PTPRE: variants seen among roughly 807,000 people sequenced by gnomAD.
PTPRE encodes protein tyrosine phosphatase receptor type E, also known as receptor-type tyrosine-protein phosphatase epsilon.
PTPRE carries 51 observed loss-of-function variants against 102.0 expected under a neutral mutation model. That is an observed-to-expected ratio of 0.50 (90% CI 0.40 to 0.63). The LOEUF (loss-of-function observed/expected upper bound fraction) is 0.63, where lower values mean the gene tolerates loss of function less well. Ranked by LOEUF, PTPRE falls within the 30% of genes least tolerant of loss-of-function variation. The probability of loss-of-function intolerance (pLI) is 0.00; values close to 1 mark genes in which losing one functional copy is unlikely to be tolerated. For synonymous variants in PTPRE, 345 were observed against 348.2 expected (o/e 0.99, Z 0.10); for missense variants, 752 against 915.1 (o/e 0.82, Z 2.30).
chr10:127,987,462 A>G, intron 2 of PTPRE: 1 of 737,690 alleles, frequency 1.4e-6, no homozygotes, highest in South Asian at 1.8e-5. Context: ...TTCTAATATA[A>G]TTTCTAAAGT....
intron 1 of PTPRE, among the ~76,000 whole-genome samples, chr10:127,949,027 G>A (rs1271525145): frequency 6.6e-6 from 1 of 152,220 alleles, no homozygotes; most frequent in East Asian, 1.9e-4. Context: ...ACAATTCCAG[G>A]CTTGTCAGCC....
At chr10:128,009,741 G>A (rs1455386434) in intron 2 of PTPRE, among the ~76,000 whole-genome samples, 1 of 152,154 alleles carries the variant, frequency 6.6e-6, no homozygotes, top group African/African-American at 2.4e-5. Context: ...TTAAAACTTG[G>A]GCTTTCCCAG....
intron 2 of PTPRE, among the ~76,000 whole-genome samples, chr10:127,992,827 T>C (rs560018136): frequency 6.6e-6 from 1 of 152,340 alleles, no homozygotes; most frequent in African/African-American, 2.4e-5. Context: ...CTCAAATATG[T>C]GGTCAGAAAG....
chr10:128,001,374 G>A (rs1488136191), intron 2 of PTPRE, among the ~76,000 whole-genome samples: 5 of 152,232 alleles, frequency 3.3e-5, no homozygotes, highest in South Asian at 2.1e-4. Context: ...TAAGTAAAGT[G>A]TAGGCACGGC....
At chr10:128,060,104 T>G (rs1274512563) in intron 7 of PTPRE, among the ~76,000 whole-genome samples, 4 of 101,554 alleles carry the variant, frequency 3.9e-5, no homozygotes, top group Non-Finnish European at 8.0e-5. Flanking sequence ...ACACACACAC[T>G]ACACATACAC....
intron 1 of PTPRE, among the ~76,000 whole-genome samples, chr10:127,926,201 C>T (rs1044449413): frequency 3.9e-5 from 6 of 152,206 alleles, no homozygotes; most frequent in Non-Finnish European, 8.8e-5. Flanking sequence ...TAGAAAGCTG[C>T]TTGCAGCCTC....
At chr10:127,980,763 T>C (rs1851546852) in intron 1 of PTPRE, among the ~76,000 whole-genome samples, 1 of 152,190 alleles carries the variant, frequency 6.6e-6, no homozygotes, top group Non-Finnish European at 1.5e-5. Context: ...TTTTTAAAAA[T>C]ATAACAATTT....
At chr10:128,001,257 G>A (rs1853857905) in intron 2 of PTPRE, among the ~76,000 whole-genome samples, 1 of 152,106 alleles carries the variant, frequency 6.6e-6, no homozygotes, top group Non-Finnish European at 1.5e-5. Context: ...ATGGAAACCA[G>A]GGAAGGAATG....
chr10:127,997,243 C>T (rs1428116895), intron 2 of PTPRE, among the ~76,000 whole-genome samples: 1 of 152,190 alleles, frequency 6.6e-6, no homozygotes, highest in Non-Finnish European at 1.5e-5. Context: ...ATAATGAAAG[C>T]TAAAGACAGC....
intron 9 of PTPRE, among the ~76,000 whole-genome samples, chr10:128,062,673 G>A (rs888357577): frequency 3.9e-5 from 6 of 152,224 alleles, no homozygotes; most frequent in Admixed American, 6.5e-5. Context: ...AGCTCATATC[G>A]TATTGGACAG....
chr10:128,002,150 G>A (rs1023040882), intron 2 of PTPRE, among the ~76,000 whole-genome samples: 1 of 152,178 alleles, frequency 6.6e-6, no homozygotes, highest in South Asian at 2.1e-4. Flanking sequence ...CGTCGCCCCC[G>A]CTGACAGCCA....
intron 1 of PTPRE, among the ~76,000 whole-genome samples, chr10:127,933,001 G>A (rs1847560861): frequency 6.6e-6 from 1 of 152,172 alleles, no homozygotes; most frequent in Non-Finnish European, 1.5e-5. Context: ...CCCGCCATGT[G>A]CTCCCAGTCT....
chr10:127,999,902 G>A, intron 2 of PTPRE: 2 of 985,446 alleles, frequency 2.0e-6, no homozygotes, highest in Non-Finnish European at 2.4e-6. Context: ...AGACTCCAGT[G>A]CTGTGGACAT....
At chr10:127,971,180 A>G (rs1850699505) in intron 1 of PTPRE, among the ~76,000 whole-genome samples, 2 of 152,216 alleles carry the variant, frequency 1.3e-5, no homozygotes, top group Admixed American at 6.5e-5. Flanking sequence ...TCAAGTGTCC[A>G]TACGAGGCTA....
chr10:128,047,996 C>A (rs1372897226), intron 5 of PTPRE, among the ~76,000 whole-genome samples, 159 bp downstream of exon 5: 7 of 152,196 alleles, frequency 4.6e-5, no homozygotes, highest in Admixed American at 4.6e-4. Flanking sequence ...TTTAGAATTT[C>A]ACTATTTCAA....
chr10:128,074,177 A>C (rs1038404169), intron 17 of PTPRE, among the ~76,000 whole-genome samples: 1 of 152,228 alleles, frequency 6.6e-6, no homozygotes, highest in Non-Finnish European at 1.5e-5. Context: ...GGAATCATAC[A>C]GTATGTGGTC....
intron 1 of PTPRE, among the ~76,000 whole-genome samples, chr10:127,979,742 C>T (rs930422943): frequency 6.6e-6 from 1 of 152,222 alleles, no homozygotes. Context: ...GGTTGTCAAT[C>T]GTGCAACCAT....
chr10:127,957,289 T>C (rs1849474499), intron 1 of PTPRE, among the ~76,000 whole-genome samples: 1 of 152,132 alleles, frequency 6.6e-6, no homozygotes, highest in South Asian at 2.1e-4. Context: ...TTTTTGCATA[T>C]GGATTTACAG....
At position 128,047,475 on chromosome 10, in the gene PTPRE, C is replaced by T. The variant is rs758524608; in HGVS notation, c.195C>T (p.Ala65=). 23 of 1,613,306 alleles carry T rather than the reference C, an allele frequency of 1.4e-5. No homozygotes were observed. Among genetic ancestry groups the T allele is most frequent in the South Asian group, 4.4e-5 (4 of 91,064 alleles). ...TCCTCCTCCTCGTGCTCCTTCTCGC[C>T]GCCTACTTCTTCAGGTAGGAGTGTC... The part of the protein sequence containing the change: ...LLLLLLVLLL[A]AYFFRFRKQR... Residue 65 remains alanine (A), a synonymous_variant, in exon 4 of 21, where the codon GCC becomes GCT. Coordinates refer to ENST00000254667, the MANE Select transcript of PTPRE (RefSeq NM_006504.6).
Sources: gnomAD v4.1 joint callset for allele counts (sites outside exome capture counted in the v4.1 genomes callset) on GRCh38, gnomAD v4.1.1 for gene constraint, MANE v1.5 for transcripts, NCBI Gene and HGNC (gene_info 2026-07-23, HGNC 2026-07-21) for gene names.